Variants in IFT52 observed in about 807,000 individuals in gnomAD.
IFT52 encodes the protein intraflagellar transport 52.
Under a neutral mutation model 54.4 loss-of-function variants are expected in IFT52, and 44 were observed. The observed-to-expected ratio is 0.81, with a 90% CI of 0.63 to 1.04. IFT52 has a LOEUF of 1.04. Ranked by LOEUF, IFT52 falls within the 50% of genes least tolerant of loss-of-function variation. The pLI is 0.00. For synonymous variants in IFT52, 181 were observed against 185.3 expected, an observed-to-expected ratio of 0.98 and a Z score of 0.19; for missense variants, 452 against 523.6, an observed-to-expected ratio of 0.86 and a Z score of 1.33.
At chr20:43,634,997 A>ATTG (rs1985426209) in intron 10 of IFT52, among the ~76,000 whole-genome samples, 1 of 151,942 alleles carries the variant, frequency 6.6e-6, no homozygotes, top group Non-Finnish European at 1.5e-5. Context: ...GGTGAAACCC[A>ATTG]TCTCTACTAA....
chr20:43,642,331 AAATCCTGTAGTCAC>A (rs1396350745), intron 12 of IFT52, 134 bp from the exon 13 acceptor site: 2 of 690,786 alleles, frequency 2.9e-6, no homozygotes, highest in African/African-American at 3.6e-5. Flanking sequence ...TTCAGTGTTG[AAATCCTGTAGTCAC>A]ATTACTTTAG....
At chr20:43,605,324 C>A in intron 6 of IFT52, 2 of 847,924 alleles carry the variant, frequency 2.4e-6, no homozygotes, top group Non-Finnish European at 3.1e-6. Context: ...AGGTGGGTGG[C>A]CCACCTGAGG....
chr20:43,599,150 G>T (rs936476445), intron 3 of IFT52, among the ~76,000 whole-genome samples: 3 of 152,196 alleles, frequency 2.0e-5, no homozygotes, highest in African/African-American at 7.2e-5. Flanking sequence ...GACCCTGAGG[G>T]ATATGTACAC....
rs749589196 is a variant in IFT52, at chr20:43,636,017, A to C, written c.1011+4A>C. 9.3e-6 allele frequency: 15 copies of C among 1,613,910 alleles called. 1 individual carries two copies. In the South Asian group the frequency reaches 1.6e-4, roughly 18 times the overall value. ...GCTGCCAACCCTTCAGCCTGCGGTG[A>C]GTAGGTGTGCTTGGGAGATCCCACT... On this transcript the variant is annotated splice_donor_region_variant and intron_variant, in intron 11 of 13. Coordinates refer to ENST00000373030, the MANE Select transcript of IFT52 (RefSeq NM_016004.5).
Position 43,639,293 on chromosome 20 carries a change from T to G in IFT52, c.1120+2040T>G, listed in dbSNP as rs6031011. ...TGGATCATGCCTATAATCTGAACAC[T>G]TCAAAAAGCCAAGGCAGGAGGATCA... On this transcript the variant is annotated intron_variant, in intron 12 of 13. Transcript: ENST00000373030. Among the ~76,000 whole-genome samples the G allele has an allele frequency of 1.6e-3, 243 of 149,344 alleles. 1 individual carries two copies. Among genetic ancestry groups the G allele is most frequent in the African/African-American group, 5.6e-3 (229 of 40,700 alleles).
intron 10 of IFT52, among the ~76,000 whole-genome samples, chr20:43,626,110 G>A (rs1214270678): frequency 2.6e-5 from 4 of 151,648 alleles, no homozygotes; most frequent in Non-Finnish European, 4.4e-5. Context: ...TTCAGTTTGA[G>A]GTATATGGAG....
In IFT52 at chr20:43,635,907, T is replaced by C. The variant is rs1985497495; in HGVS notation, c.924-19T>C. 6.2e-7 allele frequency: 1 copy of C among 1,612,488 alleles called. No homozygotes were observed. The highest frequency in any genetic ancestry group is 1.7e-4 in the Middle Eastern group (1 of 6,060). On this transcript the variant is annotated intron_variant, in intron 10 of 13. Transcript: ENST00000373030. Reference sequence around the variant, plus strand: ...TATAGTGTCTTGATCCCTGCTTTTTTGTTTGATTATGAACACAGGGCTCAC... The same window carrying C: ...TATAGTGTCTTGATCCCTGCTTTTTCGTTTGATTATGAACACAGGGCTCAC...
intron 6 of IFT52, among the ~76,000 whole-genome samples, chr20:43,612,034 AAATAAT>A (rs547108573): frequency 6.6e-6 from 1 of 151,470 alleles, no homozygotes; most frequent in African/African-American, 2.4e-5. Flanking sequence ...CCATCTCGAA[AAATAAT>A]AATAATAATA....
In IFT52 at chr20:43,637,163, C is replaced by T. The variant is rs754545949; in HGVS notation, c.1030C>T (p.Arg344Trp). The stretch of plus-strand genomic sequence containing the variant: ...CTTTTAGGTTTTTCCTCCCAGTTTC[C>T]GGGAGTTACCACCTCCTCCTCTGGA... Reference protein sequence around the residue: ...LQPAVFPPSFRELPPPPLELF... With the variant: ...LQPAVFPPSFWELPPPPLELF... The change falls in exon 12 of 14, where the codon CGG becomes TGG. Residue 344 changes from arginine to tryptophan, a missense_variant. Physicochemically the swap from Arg to Trp is moderately radical, Grantham distance 101. Coordinates refer to ENST00000373030, the MANE Select transcript of IFT52 (RefSeq NM_016004.5). 3.2e-5 allele frequency: 52 copies of T among 1,610,696 alleles called. No individual in the cohort carries two copies. Among genetic ancestry groups the T allele is most frequent in the Non-Finnish European group, 4.0e-5 (47 of 1,177,558 alleles).
At chr20:43,631,235 A>C (rs1352094204) in intron 10 of IFT52, among the ~76,000 whole-genome samples, 1 of 152,196 alleles carries the variant, frequency 6.6e-6, no homozygotes, top group Non-Finnish European at 1.5e-5. Context: ...CCGACTTTCC[A>C]CAGTTGTATT....
At chr20:43,642,303 TAGAG>T (rs1985969714) in intron 12 of IFT52, 172 bp from the exon 13 acceptor site, 1 of 588,146 alleles carries the variant, frequency 1.7e-6, no homozygotes, top group Admixed American at 3.2e-5. Flanking sequence ...AGCAGCACAT[TAGAG>T]AGCTCTAGGG....
intron 3 of IFT52, among the ~76,000 whole-genome samples, chr20:43,597,537 T>C (rs1278606124): frequency 6.6e-6 from 1 of 152,168 alleles, no homozygotes; most frequent in East Asian, 1.9e-4. Flanking sequence ...ATGGTGGGAA[T>C]GTAAAATGAT....
intron 6 of IFT52, 130 bp from the exon 7 acceptor site, chr20:43,613,720 G>A (rs2145620668): frequency 1.2e-6 from 1 of 852,648 alleles, no homozygotes; most frequent in East Asian, 2.6e-5. Context: ...TCGCACCACT[G>A]CACTGCAGCC....
At chr20:43,602,055 T>C (rs6073143) in intron 3 of IFT52, among the ~76,000 whole-genome samples, 108,361 of 151,976 alleles carry the variant, frequency 0.71, 39,482 homozygotes, top group East Asian at 0.8. Context: ...TAATGATCAA[T>C]GTTCTAAGTT....
chr20:43,638,469 G>A (rs943696626), intron 12 of IFT52, among the ~76,000 whole-genome samples: 1 of 152,176 alleles, frequency 6.6e-6, no homozygotes, highest in Non-Finnish European at 1.5e-5. Flanking sequence ...GGGATTACAG[G>A]CATGAGCCAC....
intron 7 of IFT52, among the ~76,000 whole-genome samples, chr20:43,615,123 G>A (rs1234493964): frequency 4.0e-5 from 6 of 150,622 alleles, no homozygotes; most frequent in South Asian, 2.1e-4. Context: ...GTGCAGTGGC[G>A]CAATCTTGGC....
Position 43,592,450 on chromosome 20 carries a change from T to G in IFT52, c.-7+1396T>G, listed in dbSNP as rs936371984. Among the ~76,000 whole-genome samples, 14 of 152,222 alleles carry G rather than the reference T, an allele frequency of 9.2e-5. No individual in the cohort carries two copies. In the East Asian group the frequency reaches 2.1e-3, roughly 23 times the overall value. On this transcript the variant is annotated intron_variant, in intron 1 of 13. Transcript: ENST00000373030. ...AATTAGCCGGGTGTGTTTGGGCGCCTGTAGTCCCAGCCGCTTGGGAGGCTG... is the reference window on the plus strand; with the variant it reads ...AATTAGCCGGGTGTGTTTGGGCGCCGGTAGTCCCAGCCGCTTGGGAGGCTG...
At chr20:43,592,619 G>A (rs533130584) in intron 1 of IFT52, among the ~76,000 whole-genome samples, 2 of 151,744 alleles carry the variant, frequency 1.3e-5, no homozygotes, top group Admixed American at 1.3e-4. Context: ...AAGCATTGTT[G>A]AATTTATTTA....
At chr20:43,598,947 G>A (rs1213666464) in intron 3 of IFT52, among the ~76,000 whole-genome samples, 1 of 152,148 alleles carries the variant, frequency 6.6e-6, no homozygotes, top group East Asian at 1.9e-4. Flanking sequence ...TGTTACTCTG[G>A]GTGGTGCCAT....
Sources: allele counts gnomAD v4.1 joint callset (sites outside exome capture counted in the v4.1 genomes callset), GRCh38; gene constraint gnomAD v4.1.1; transcripts MANE v1.5; gene names NCBI Gene and HGNC (gene_info 2026-07-23, HGNC 2026-07-21).